XRCC4: variants seen among roughly 807,000 people sequenced by gnomAD.
XRCC4 encodes DNA repair protein XRCC4.
In XRCC4, 28 loss-of-function variants were observed where a neutral mutation model predicts 39.1. The observed-to-expected ratio is 0.72, with a 90% confidence interval of 0.53 to 0.98. XRCC4 has a LOEUF of 0.98. Ranked by LOEUF, XRCC4 falls within the 50% of genes least tolerant of loss-of-function variation. The pLI, the probability that XRCC4 is intolerant of heterozygous loss-of-function variation, is 0.00. For missense variants in XRCC4, 350 were observed against 376.4 expected, an observed-to-expected ratio of 0.93 and a Z score of 0.58; for synonymous variants, 123 against 126.4, an observed-to-expected ratio of 0.97 and a Z score of 0.18.
At chr5:83,336,710 T>C (rs750959987) in intron 7 of XRCC4, among the ~76,000 whole-genome samples, 2 of 152,186 alleles carry the variant, frequency 1.3e-5, no homozygotes, top group Non-Finnish European at 2.9e-5. Flanking sequence ...TTCCAGTAGT[T>C]GGGTTGTGAG....
rs555505105 is a variant in XRCC4 at position 83,340,317 on chromosome 5, G to A, written c.894-12814G>A. 3.5e-3 allele frequency among the ~76,000 whole-genome samples: 537 copies of A among 152,180 alleles called. 1 individual carries two copies. The highest frequency in any genetic ancestry group is 8.9e-3 in the South Asian group (43 of 4,820). On this transcript the variant is annotated intron_variant, in intron 7 of 7. Transcript: ENST00000396027. ...ACCCTCTTCCCCCAGAGATGTCTAC[G>A]TCTTAATTCCTGGAACCTGAGAATA...
intron 3 of XRCC4, among the ~76,000 whole-genome samples, chr5:83,141,183 G>A (rs1748154937): frequency 6.6e-6 from 1 of 152,034 alleles, no homozygotes; most frequent in Non-Finnish European, 1.5e-5. Flanking sequence ...TGCCATTTAG[G>A]GATATGTCAA....
intron 1 of XRCC4, among the ~76,000 whole-genome samples, chr5:83,096,140 C>T (rs952739444): frequency 2.6e-5 from 4 of 151,906 alleles, no homozygotes; most frequent in African/African-American, 7.3e-5. Flanking sequence ...AGTCTCCCAG[C>T]AGTTCTCTAC....
intron 3 of XRCC4, among the ~76,000 whole-genome samples, chr5:83,140,141 G>T (rs1011168578): frequency 1.3e-5 from 2 of 152,174 alleles, no homozygotes; most frequent in African/African-American, 4.8e-5. Flanking sequence ...ATATGAAAGG[G>T]AGTTTGTTAA....
At chr5:83,212,138 G>A (rs1751673721) in intron 6 of XRCC4, among the ~76,000 whole-genome samples, 2 of 151,442 alleles carry the variant, frequency 1.3e-5, no homozygotes, top group Admixed American at 1.3e-4. Context: ...ATATGTATGT[G>A]TGTATATATA....
rs1272957730 is a variant in XRCC4 at position 83,288,544 on chromosome 5, A to G, written c.893+29867A>G. Among the ~76,000 whole-genome samples the G allele has an allele frequency of 2.6e-5, 4 of 151,852 alleles. No individual in the cohort carries two copies. The East Asian group carries it at 7.7e-4, about 29-fold the overall frequency. On this transcript the variant is annotated intron_variant, in intron 7 of 7. Coordinates refer to ENST00000396027, the MANE Select transcript of XRCC4 (RefSeq NM_003401.5). The stretch of plus-strand genomic sequence containing the variant: ...ATTTCTCCTTCACTATTGAAGGATA[A>G]TTTCACTGAATATAGAATTCTAGGC...
chr5:83,222,741 T>C (rs1320884927), intron 6 of XRCC4, among the ~76,000 whole-genome samples: 1 of 152,118 alleles, frequency 6.6e-6, no homozygotes, highest in Non-Finnish European at 1.5e-5. Flanking sequence ...TTGTTTTTGC[T>C]TTTTTGTACT....
At chr5:83,124,132 T>C (rs2112453649) in intron 3 of XRCC4, among the ~76,000 whole-genome samples, 1 of 152,278 alleles carries the variant, frequency 6.6e-6, no homozygotes, top group South Asian at 2.1e-4. Flanking sequence ...CTGTTTTTAT[T>C]GTTCTTGTTG....
chr5:83,103,021 T>TAC (rs1396698997), intron 1 of XRCC4, among the ~76,000 whole-genome samples: 1 of 141,950 alleles, frequency 7.0e-6, no homozygotes, highest in African/African-American at 2.8e-5. Context: ...TATATATATA[T>TAC]ATATATATAT....
At chr5:83,324,249 C>T (rs1484036517) in intron 7 of XRCC4, among the ~76,000 whole-genome samples, 2 of 152,034 alleles carry the variant, frequency 1.3e-5, no homozygotes, top group Non-Finnish European at 2.9e-5. Flanking sequence ...TATTGTTAAT[C>T]TCAGCATACT....
intron 7 of XRCC4, among the ~76,000 whole-genome samples, chr5:83,338,526 T>C (rs1756659753): frequency 6.6e-6 from 1 of 152,232 alleles, no homozygotes; most frequent in Non-Finnish European, 1.5e-5. Flanking sequence ...TGTATTAATA[T>C]TGCTGAATGA....
intron 4 of XRCC4, among the ~76,000 whole-genome samples, chr5:83,198,178 C>A (rs1751031274): frequency 6.6e-6 from 1 of 152,056 alleles, no homozygotes; most frequent in Non-Finnish European, 1.5e-5. Flanking sequence ...TGATGTTAAG[C>A]CTGGCAATAG....
chr5:83,188,590 C>G (rs1034565553), intron 3 of XRCC4, among the ~76,000 whole-genome samples: 2 of 151,658 alleles, frequency 1.3e-5, no homozygotes, highest in African/African-American at 4.9e-5. Context: ...AGTGTCTGTT[C>G]CTGCTGAGGG....
chr5:83,273,660 T>C (rs569075901), intron 7 of XRCC4, among the ~76,000 whole-genome samples: 1 of 152,150 alleles, frequency 6.6e-6, no homozygotes, highest in African/African-American at 2.4e-5. Context: ...CCAGCACCAT[T>C]TATTAAATAG....
chr5:83,136,087 C>T (rs1212490737), intron 3 of XRCC4, among the ~76,000 whole-genome samples: 2 of 152,130 alleles, frequency 1.3e-5, no homozygotes, highest in Admixed American at 6.5e-5. Flanking sequence ...TAAACAGGAA[C>T]AAACATTTAT....
chr5:83,168,320 A>G (rs909691264), intron 3 of XRCC4, among the ~76,000 whole-genome samples: 22 of 152,224 alleles, frequency 1.4e-4, no homozygotes, highest in Non-Finnish European at 3.2e-4. Flanking sequence ...GAGTAGAAAT[A>G]CAAAATAATC....
chr5:83,266,139 G>A (rs1753946070), intron 7 of XRCC4, among the ~76,000 whole-genome samples: 1 of 151,666 alleles, frequency 6.6e-6, no homozygotes, highest in African/African-American at 2.4e-5. Context: ...TACCAACATA[G>A]AATAATGTGT....
intron 3 of XRCC4, among the ~76,000 whole-genome samples, chr5:83,126,779 A>G (rs1467810844): frequency 1.3e-5 from 2 of 152,198 alleles, no homozygotes; most frequent in Non-Finnish European, 2.9e-5. Flanking sequence ...CAGCAAAGCC[A>G]TGGGGGCAGG....
chr5:83,236,351 C>G (rs1335087582), intron 6 of XRCC4, among the ~76,000 whole-genome samples: 1 of 152,036 alleles, frequency 6.6e-6, no homozygotes, highest in Non-Finnish European at 1.5e-5. Flanking sequence ...GAGCATGGTA[C>G]TGTCTCATAA....
Sources: gnomAD v4.1 joint callset for allele counts (sites outside exome capture counted in the v4.1 genomes callset) on GRCh38, gnomAD v4.1.1 for gene constraint, MANE v1.5 for transcripts, NCBI Gene and HGNC (gene_info 2026-07-23, HGNC 2026-07-21) for gene names.